Variants in MYH16 observed in about 807,000 individuals in gnomAD.
MYH16 encodes the protein myosin heavy chain 16.
chr7:99,309,520 C>G (rs555524163), downstream of MYH16, among the ~76,000 whole-genome samples: 2 of 152,292 alleles, frequency 1.3e-5, no homozygotes, highest in Non-Finnish European at 1.5e-5. Context: ...TTAAGGAAAT[C>G]AGAAGCTTGT....
chr7:99,241,827 C>A (rs73157596), intron 1 of MYH16, among the ~76,000 whole-genome samples: 5,118 of 151,376 alleles, frequency 0.034, 89 homozygotes, highest in African/African-American at 0.048. Flanking sequence ...GCTTTGATCC[C>A]AGATGCTGGA....
At chr7:99,247,236 G>A (rs1374270747) in intron 2 of MYH16, among the ~76,000 whole-genome samples, 5 of 152,170 alleles carry the variant, frequency 3.3e-5, no homozygotes, top group Non-Finnish European at 4.4e-5. Context: ...ACAGTGGCAC[G>A]ATCTTGGCTC....
rs1258550844 is a variant in MYH16, at chr7:99,277,935, G to GAC, written n.2659+224_2659+225insCA. On this transcript the variant is annotated intron_variant and non_coding_transcript_variant, in intron 21 of 41. Transcript: ENST00000439784. ...TGTGTGTGAGAGAGAGAGAGAGAGA[G>GAC]AGACAGACAGACAGACAGACAGACA... Among the ~76,000 whole-genome samples the GAC allele has an allele frequency of 4.0e-3, 573 of 143,834 alleles. 5 individuals are homozygous for GAC. The highest frequency in any genetic ancestry group is 0.011 in the East Asian group (52 of 4,952). 94.4% of individuals were successfully genotyped at this position (143,834 alleles called of 152,430 possible).
intron 28 of MYH16, 64 bp from the exon 10 acceptor site, chr7:99,287,828 C>G (rs1470396192): frequency 4.7e-6 from 2 of 427,524 alleles, no homozygotes; most frequent in Admixed American, 4.9e-5. Flanking sequence ...AGCAGCTGGG[C>G]GGTGTCCACC....
downstream of MYH16, among the ~76,000 whole-genome samples, chr7:99,308,405 G>C (rs142619519): frequency 4.5e-4 from 68 of 151,938 alleles, no homozygotes; most frequent in East Asian, 0.012. Flanking sequence ...TCATCCCTGG[G>C]AGTAGATCTA....
chr7:99,270,324 T>A (rs9942659), intron 18 of MYH16, among the ~76,000 whole-genome samples: 26,504 of 116,624 alleles, frequency 0.23, 5,090 homozygotes, highest in African/African-American at 0.6. Context: ...GAAAAAAAAA[T>A]TTTTTTTTTT....
chr7:99,296,890 G>A (rs777991094), exon 34 of MYH16: 16 of 457,272 alleles, frequency 3.5e-5, no homozygotes, highest in Middle Eastern at 3.2e-4. Flanking sequence ...TCTAGAGTCC[G>A]TGAAGAAGGA....
At chr7:99,245,719 G>T (rs945693169) in intron 2 of MYH16, among the ~76,000 whole-genome samples, 1 of 152,016 alleles carries the variant, frequency 6.6e-6, no homozygotes, top group South Asian at 2.1e-4. Flanking sequence ...GTAGAGACAG[G>T]GTTTCACCAT....
intron 13 of MYH16, among the ~76,000 whole-genome samples, chr7:99,262,923 G>A (rs1215455574): frequency 6.6e-6 from 1 of 152,198 alleles, no homozygotes; most frequent in African/African-American, 2.4e-5. Context: ...GGATTCTACA[G>A]CCACGGTCAG....
intron 20 of MYH16, among the ~76,000 whole-genome samples, chr7:99,274,370 G>A (rs543591942): frequency 4.6e-5 from 7 of 152,224 alleles, no homozygotes; most frequent in Non-Finnish European, 8.8e-5. Context: ...AGGAGGACCC[G>A]CAGAGGGTGG....
chr7:99,269,046 T>G (rs1385065213), intron 18 of MYH16, among the ~76,000 whole-genome samples: 1 of 152,224 alleles, frequency 6.6e-6, no homozygotes, highest in Non-Finnish European at 1.5e-5. Flanking sequence ...CAAGGAAGGC[T>G]GAGGCCAGAA....
At chr7:99,295,389 A>G (rs1330273058) in intron 33 of MYH16, among the ~76,000 whole-genome samples, 1 of 151,146 alleles carries the variant, frequency 6.6e-6, no homozygotes, top group East Asian at 1.9e-4. Flanking sequence ...AAAAAAAAAG[A>G]AAAGAAAGTT....
chr7:99,248,458 C>G (rs2150806476), intron 3 of MYH16, among the ~76,000 whole-genome samples: 1 of 152,174 alleles, frequency 6.6e-6, no homozygotes, highest in East Asian at 1.9e-4. Flanking sequence ...TGCAGTGGTG[C>G]AATCTTAGCT....
At chr7:99,302,489 C>T (rs1419014064) in intron 38 of MYH16, among the ~76,000 whole-genome samples, 1 of 151,812 alleles carries the variant, frequency 6.6e-6, no homozygotes, top group African/African-American at 2.4e-5. Context: ...ATCACTTGAA[C>T]CCCAGAGGTC....
chr7:99,294,608 C>T (rs1792452014), intron 33 of MYH16, among the ~76,000 whole-genome samples: 1 of 150,054 alleles, frequency 6.7e-6, no homozygotes, highest in Non-Finnish European at 1.5e-5. Context: ...TCTTGTTGCC[C>T]AGGCTGGAGT....
At chr7:99,247,162 G>T (rs1791742602) in intron 2 of MYH16, among the ~76,000 whole-genome samples, 1 of 152,142 alleles carries the variant, frequency 6.6e-6, no homozygotes, top group Non-Finnish European at 1.5e-5. Flanking sequence ...GCCTCCAGAA[G>T]GCTGGGTTTC....
chr7:99,281,916 T>C (rs759601623), intron 23 of MYH16, among the ~76,000 whole-genome samples: 1 of 152,212 alleles, frequency 6.6e-6, no homozygotes, highest in African/African-American at 2.4e-5. Context: ...TGAGTGCCTC[T>C]CCCTGCTGCC....
chr7:99,257,743 C>T (rs926215520), intron 10 of MYH16, among the ~76,000 whole-genome samples: 3 of 152,128 alleles, frequency 2.0e-5, no homozygotes, highest in Admixed American at 2.0e-4. Flanking sequence ...ACCTTGTAGG[C>T]TCAAATGATC....
intron 29 of MYH16, among the ~76,000 whole-genome samples, 185 bp downstream of exon 10, chr7:99,288,322 C>G (rs1421049075): frequency 6.6e-6 from 1 of 152,108 alleles, no homozygotes; most frequent in African/African-American, 2.4e-5. Context: ...GCCTGTAGTC[C>G]TAGCTACTCA....
Sources: allele counts gnomAD v4.1 joint callset (sites outside exome capture counted in the v4.1 genomes callset), GRCh38; gene constraint gnomAD v4.1.1; transcripts MANE v1.5; gene names NCBI Gene and HGNC (gene_info 2026-07-23, HGNC 2026-07-21).